ACSM3: variants seen among roughly 807,000 people sequenced by gnomAD.
ACSM3 encodes the protein acyl-coenzyme A synthetase ACSM3, mitochondrial.
In ACSM3, 61 loss-of-function variants were observed where a neutral mutation model predicts 74.1. The ratio of observed to expected loss-of-function variants is 0.82; its 90% CI spans 0.67 to 1.02. The LOEUF is 1.02. ACSM3 is among the 50% of genes least tolerant of loss of function. The pLI, the probability that ACSM3 is intolerant of heterozygous loss-of-function variation, is 0.00. For missense variants in ACSM3, 660 were observed against 697.0 expected, an observed-to-expected ratio of 0.95 and a Z score of 0.60; for synonymous variants, 213 against 241.5, an observed-to-expected ratio of 0.88 and a Z score of 1.09.
chr16:20,718,425 G>C, intron 1 of ACSM3: 2 of 728,482 alleles, frequency 2.7e-6, no homozygotes, highest in Non-Finnish European at 2.0e-6. Flanking sequence ...CCAGTGGGAC[G>C]ACAGGCTCTC....
intron 1 of ACSM3, chr16:20,690,967 C>G (rs570360156): frequency 6.3e-7 from 1 of 1,593,024 alleles, no homozygotes; most frequent in South Asian, 1.2e-5. Flanking sequence ...CACCCTTGTT[C>G]TTATATCGCC....
At chr16:20,737,004 GTA>G in intron 1 of ACSM3, 1 of 1,614,122 alleles carries the variant, frequency 6.2e-7, no homozygotes, top group Non-Finnish European at 8.5e-7. Context: ...CAGCTCCTCA[GTA>G]TTCTCTGGTA....
intron 3 of ACSM3, among the ~76,000 whole-genome samples, chr16:20,756,130 G>A (rs1253238093): frequency 6.6e-6 from 1 of 151,876 alleles, no homozygotes. Context: ...ATGATTTATG[G>A]TCCTTTGGGT....
chr16:20,769,440 A>C (rs993130864), intron 1 of ACSM3, among the ~76,000 whole-genome samples: 5 of 152,234 alleles, frequency 3.3e-5, no homozygotes, highest in Non-Finnish European at 5.9e-5. Flanking sequence ...GCAACCTATC[A>C]ACTAGACAGT....
chr16:20,694,367 A>G (rs1327932985), intron 1 of ACSM3, among the ~76,000 whole-genome samples: 1 of 152,240 alleles, frequency 6.6e-6, no homozygotes, highest in Non-Finnish European at 1.5e-5. Context: ...GGCCTTGCTG[A>G]GTAAATTAAA....
chr16:20,786,925 A>G (rs2080486908), intron 9 of ACSM3, among the ~76,000 whole-genome samples: 1 of 152,158 alleles, frequency 6.6e-6, no homozygotes, highest in Admixed American at 6.5e-5. Context: ...TGAGCGGGTC[A>G]ACTAGGCCCG....
rs371275053 is a variant in ACSM3 at position 20,792,173 on chromosome 16, C to T, written c.1454+44C>T. On this transcript the variant is annotated intron_variant, in intron 11 of 13. Transcript: ENST00000289416. ...TGTGCATATGTCTGTGTTAACTGAT[C>T]ATCAGTGTTCTAGAGTGAACCTGCC... is the stretch of plus-strand genomic sequence containing the variant. 2.7e-5 allele frequency: 43 copies of T among 1,613,840 alleles called. No homozygotes were observed. The African/African-American group carries it at 5.3e-4, about 20-fold the overall frequency.
At chr16:20,737,707 C>T in intron 1 of ACSM3, 1 of 1,602,234 alleles carries the variant, frequency 6.2e-7, no homozygotes, top group Non-Finnish European at 8.5e-7. Flanking sequence ...GAGAAACATA[C>T]CTGCCAATTC....
At chr16:20,691,579 T>C (rs1166111692) in intron 1 of ACSM3, among the ~76,000 whole-genome samples, 1 of 152,146 alleles carries the variant, frequency 6.6e-6, no homozygotes, top group Non-Finnish European at 1.5e-5. Flanking sequence ...TACCTTATAG[T>C]GTCTTTACTT....
At chr16:20,751,843 C>G (rs1220112663) in intron 2 of ACSM3, among the ~76,000 whole-genome samples, 1 of 152,100 alleles carries the variant, frequency 6.6e-6, no homozygotes, top group African/African-American at 2.4e-5. Flanking sequence ...AATCTTTGCT[C>G]CAGCCAAACT....
rs185696308 is a variant in ACSM3 at position 20,764,936 on chromosome 16, G to C, written c.-52+811G>C. Among the ~76,000 whole-genome samples the C allele has an allele frequency of 5.0e-3, 757 of 152,262 alleles. 8 individuals are homozygous for C. Among genetic ancestry groups the C allele is most frequent in the African/African-American group, 0.017 (719 of 41,546 alleles). ...CAGCTGCAAAAGTTCTGTATAGGAG[G>C]GGCTTCAGGCAGGGTCTGGTTGGGT... is the stretch of plus-strand genomic sequence containing the variant. On this transcript the variant is annotated intron_variant, in intron 1 of 13. Transcript: ENST00000289416.
chr16:20,794,093 G>A lies in ACSM3; in HGVS notation c.1554+1758G>A, dbSNP rs535710641. 4.1e-3 allele frequency among the ~76,000 whole-genome samples: 625 copies of A among 152,258 alleles called. 8 individuals are homozygous for A. Among genetic ancestry groups the A allele is most frequent in the Non-Finnish European group, 4.0e-3 (273 of 68,016 alleles). Reference sequence around the variant, plus strand: ...GAAGATGTGAGTGGGTATCTCAAACGAGGTATCCATGAACAAAACGGCCAT... The same window carrying A: ...GAAGATGTGAGTGGGTATCTCAAACAAGGTATCCATGAACAAAACGGCCAT... On this transcript the variant is annotated intron_variant, in intron 12 of 13. Transcript: ENST00000289416.
chr16:20,731,057 G>C (rs2079827578), intron 1 of ACSM3, among the ~76,000 whole-genome samples: 1 of 152,020 alleles, frequency 6.6e-6, no homozygotes, highest in Non-Finnish European at 1.5e-5. Context: ...ATAGAGATGG[G>C]GTCTCACTAT....
chr16:20,738,341 C>T (rs1414671078), intron 1 of ACSM3: 1 of 407,210 alleles, frequency 2.5e-6, no homozygotes, highest in Non-Finnish European at 4.8e-6. Flanking sequence ...CTGTGAGTCA[C>T]TTTAAAAGAT....
At chr16:20,755,970 T>C (rs967862930) in intron 3 of ACSM3, among the ~76,000 whole-genome samples, 6 of 152,142 alleles carry the variant, frequency 3.9e-5, no homozygotes, top group African/African-American at 7.2e-5. Context: ...AACTCATCAT[T>C]TTTTATGGCT....
chr16:20,683,701 T>C lies in ACSM3; in HGVS notation c.-190+8879T>C, dbSNP rs74520344. ...CACGCCTGGCTAATTCTTTCTTTCTTTCTCTCTCTCTCTCTCTTTCTTTCT... is the reference window on the plus strand; with the variant it reads ...CACGCCTGGCTAATTCTTTCTTTCTCTCTCTCTCTCTCTCTCTTTCTTTCT... On this transcript the variant is annotated intron_variant, in intron 1 of 3. Transcript: ENST00000561584. 5.6e-3 allele frequency among the ~76,000 whole-genome samples: 366 copies of C among 65,396 alleles called. 1 individual carries two copies. Among genetic ancestry groups the C allele is most frequent in the South Asian group, 0.033 (58 of 1,768 alleles). 42.9% of individuals were successfully genotyped at this position (65,396 alleles called of 152,430 possible).
intron 1 of ACSM3, among the ~76,000 whole-genome samples, chr16:20,678,785 C>T (rs2079371170): frequency 6.6e-6 from 1 of 152,184 alleles, no homozygotes; most frequent in African/African-American, 2.4e-5. Flanking sequence ...GACACTAAAA[C>T]AACTGCTGAA....
intron 1 of ACSM3, chr16:20,736,566 A>G: frequency 3.9e-6 from 1 of 257,924 alleles, no homozygotes. Flanking sequence ...CTGATTTTCT[A>G]CTTCACAGGT....
chr16:20,696,045 A>G (rs918910534), intron 1 of ACSM3, among the ~76,000 whole-genome samples: 24 of 152,196 alleles, frequency 1.6e-4, no homozygotes, highest in African/African-American at 5.3e-4. Flanking sequence ...AGTACTTACC[A>G]TCGTGTCATG....
Sources: allele counts gnomAD v4.1 joint callset (sites outside exome capture counted in the v4.1 genomes callset), GRCh38; gene constraint gnomAD v4.1.1; transcripts MANE v1.5; gene names NCBI Gene and HGNC (gene_info 2026-07-23, HGNC 2026-07-21).